Variants in ZNF469 observed in about 807,000 individuals in gnomAD.
ZNF469 encodes the protein zinc finger protein 469.
Under a neutral mutation model 1.0 loss-of-function variants are expected in ZNF469, and 1 was observed. The observed-to-expected ratio is 1.00, with a 90% CI of 0.35 to 4.73. The LOEUF (loss-of-function observed/expected upper bound fraction) is 4.73, where lower values mean the gene tolerates loss of function less well. Ranked by LOEUF, ZNF469 falls within the 30% of genes most tolerant of loss-of-function variation. ZNF469 has a pLI of 0.16. For synonymous variants in ZNF469, 2,703 were observed against 2,363.4 expected (o/e 1.14, Z -4.17); for missense variants, 6,100 against 5,356.3 (o/e 1.14, Z -4.33).
chr16:88,264,145 G>T, the ZNF469 span, among the ~76,000 whole-genome samples: 7 of 152,096 alleles, frequency 4.6e-5, no homozygotes, highest in Non-Finnish European at 7.4e-5. Flanking sequence ...CATGTGGCAG[G>T]CCTCAGGGAC....
chr16:88,430,386 C>T lies in ZNF469; in HGVS notation c.2916C>T (p.Gly972=). The T allele has an allele frequency of 2.0e-6, 3 of 1,515,760 alleles. No homozygotes were observed. The highest frequency in any genetic ancestry group is 2.5e-5 in the East Asian group (1 of 40,336). 93.9% of individuals were successfully genotyped at this position (1,515,760 alleles called of 1,614,324 possible). The part of the protein sequence containing the change: ...GAAEGSGSGG[G]GRASGLRPRR... Reference sequence around the variant, plus strand: ...CAGAGGGGTCGGGGTCGGGCGGCGGCGGCAGAGCCTCCGGCCTGAGGCCCC... The same window carrying T: ...CAGAGGGGTCGGGGTCGGGCGGCGGTGGCAGAGCCTCCGGCCTGAGGCCCC... Residue 972 remains glycine, a synonymous_variant, in exon 3 of 3, where the codon GGC becomes GGT. Transcript: ENST00000565624.
chr16:88,119,445 C>A, the ZNF469 span, among the ~76,000 whole-genome samples: 1 of 152,254 alleles, frequency 6.6e-6, no homozygotes, highest in African/African-American at 2.4e-5. Flanking sequence ...CCTTGCACGG[C>A]TGGGAGCAAC....
At chr16:88,307,957 T>A in the ZNF469 span, among the ~76,000 whole-genome samples, 1 of 152,244 alleles carries the variant, frequency 6.6e-6, no homozygotes, top group Non-Finnish European at 1.5e-5. Context: ...TCTAAGAGTG[T>A]TATGGTTTCG....
the ZNF469 span, among the ~76,000 whole-genome samples, chr16:88,211,372 C>T: frequency 6.6e-6 from 1 of 152,234 alleles, no homozygotes; most frequent in Non-Finnish European, 1.5e-5. Flanking sequence ...CCTGGAAGGC[C>T]AGTGTCTTCA....
the ZNF469 span, among the ~76,000 whole-genome samples, chr16:88,239,699 ATATATATATATATATATTTTT>A: frequency 1.6e-3 from 19 of 12,224 alleles, 1 homozygote; most frequent in Non-Finnish European, 2.5e-3. Flanking sequence ...ATATATATAT[ATATATATATATATATATTTTT>A]TTTTTTTTTT....
At chr16:88,288,709 C>T in the ZNF469 span, among the ~76,000 whole-genome samples, 1 of 152,188 alleles carries the variant, frequency 6.6e-6, no homozygotes, top group African/African-American at 2.4e-5. Context: ...AGATTGAGAC[C>T]TGCTTGTCCA....
Position 88,432,617 on chromosome 16 carries a change from C to G in ZNF469, c.5147C>G (p.Pro1716Arg). Reference sequence around the variant, plus strand: ...TGCCAGGCAGAAGGAGACAGCAGGCCCCCCCAAGATGTCTGCCTGCCTGAG... The same window carrying G: ...TGCCAGGCAGAAGGAGACAGCAGGCGCCCCCAAGATGTCTGCCTGCCTGAG... The part of the protein sequence containing the change: ...GLCQAEGDSR[P>R]PQDVCLPEPS... Residue 1716 changes from proline to arginine, a missense_variant, in exon 3 of 3, where the codon CCC becomes CGC. By Grantham distance (103) the Pro-to-Arg change is moderately radical (BLOSUM62 -2). Coordinates refer to ENST00000565624, the MANE Select transcript of ZNF469 (RefSeq NM_001367624.2). 1 of 1,550,386 alleles carries G rather than the reference C, an allele frequency of 6.5e-7. No homozygotes were observed. The highest frequency in any genetic ancestry group is 1.2e-5 in the South Asian group (1 of 84,064).
At chr16:88,216,203 A>T in the ZNF469 span, among the ~76,000 whole-genome samples, 1 of 152,254 alleles carries the variant, frequency 6.6e-6, no homozygotes, top group South Asian at 2.1e-4. Flanking sequence ...CACTTAAAAG[A>T]TATTATTTCA....
chr16:88,279,831 C>T, the ZNF469 span, among the ~76,000 whole-genome samples: 159 of 141,494 alleles, frequency 1.1e-3, 4 homozygotes, highest in African/African-American at 4.1e-3. Context: ...TATCAGTGCA[C>T]GGTTAGTGCT....
chr16:88,181,593 G>GA, the ZNF469 span, among the ~76,000 whole-genome samples: 1 of 151,986 alleles, frequency 6.6e-6, no homozygotes, highest in Admixed American at 6.5e-5. Flanking sequence ...AGAGAAATTA[G>GA]AAAAAAAATT....
At chr16:88,243,209 C>A in the ZNF469 span, among the ~76,000 whole-genome samples, 1 of 152,158 alleles carries the variant, frequency 6.6e-6, no homozygotes, top group Non-Finnish European at 1.5e-5. Flanking sequence ...AGAATGGCAC[C>A]CACCTGAGAT....
chr16:88,428,488 G>C lies in ZNF469; in HGVS notation c.1018G>C (p.Gly340Arg). 3 of 1,549,558 alleles carry C rather than the reference G, an allele frequency of 1.9e-6. No homozygotes were observed. The highest frequency in any genetic ancestry group is 1.7e-6 in the Non-Finnish European group (2 of 1,146,806). ...PAPSPLPCYQGQPGGLNRHSD... is the reference protein window; with the variant it reads ...PAPSPLPCYQRQPGGLNRHSD... Reference sequence around the variant, plus strand: ...GCCCTCACCCCTGCCCTGCTACCAGGGCCAGCCAGGTGGCCTGAACCGCCA... The same window carrying C: ...GCCCTCACCCCTGCCCTGCTACCAGCGCCAGCCAGGTGGCCTGAACCGCCA... Residue 340 changes from glycine to arginine, a missense_variant, in exon 3 of 3, where the codon GGC becomes CGC. Coordinates refer to ENST00000565624, the MANE Select transcript of ZNF469 (RefSeq NM_001367624.2).
chr16:88,282,870 T>C, the ZNF469 span, among the ~76,000 whole-genome samples: 5 of 152,224 alleles, frequency 3.3e-5, no homozygotes. Context: ...CTGATTAAGG[T>C]CCACACAGGG....
At position 88,437,297 on chromosome 16, in the gene ZNF469, GCAGCACCCC is replaced by G. The variant is rs1393539298; in HGVS notation, c.9833_9841del (p.Thr3278_Ser3280del). ...GGCGAGAGGGCGAAACCCCGGGCAC[GCAGCACCCC>G]CAGCAACCCAGACGGGGCCGCGACC... On this transcript the variant is annotated inframe_deletion, in exon 3 of 3. Coordinates refer to ENST00000565624, the MANE Select transcript of ZNF469 (RefSeq NM_001367624.2). 1.9e-6 allele frequency: 3 copies of G among 1,547,404 alleles called. No individual in the cohort carries two copies. The highest frequency in any genetic ancestry group is 1.2e-5 in the South Asian group (1 of 83,932).
At chr16:88,392,484 G>T (rs1285801965) in intron 1 of ZNF469, among the ~76,000 whole-genome samples, 2 of 152,212 alleles carry the variant, frequency 1.3e-5, no homozygotes, top group East Asian at 1.9e-4. Context: ...CTGAGAGTTC[G>T]TTCCTTAAAA....
chr16:88,196,805 G>A, the ZNF469 span, among the ~76,000 whole-genome samples: 8 of 152,274 alleles, frequency 5.3e-5, no homozygotes, highest in African/African-American at 1.7e-4. Flanking sequence ...AGCAGGAGCC[G>A]GAGACTGAGC....
the ZNF469 span, among the ~76,000 whole-genome samples, chr16:88,343,671 G>A: frequency 4.6e-5 from 7 of 152,100 alleles, no homozygotes; most frequent in African/African-American, 1.7e-4. Flanking sequence ...AGGGGGCTGA[G>A]CCTGGTGGCT....
the ZNF469 span, among the ~76,000 whole-genome samples, chr16:88,122,379 G>A: frequency 2.4e-3 from 361 of 150,560 alleles, no homozygotes; most frequent in African/African-American, 8.4e-3. Context: ...GGCCACAGCA[G>A]TCACTCAGAT....
At chr16:88,283,933 G>A in the ZNF469 span, among the ~76,000 whole-genome samples, 30 of 125,820 alleles carry the variant, frequency 2.4e-4, 1 homozygote, top group Admixed American at 3.3e-4. Flanking sequence ...CGAGGTCTGC[G>A]GAGGCTGGTA....
Sources: allele counts gnomAD v4.1 joint callset (sites outside exome capture counted in the v4.1 genomes callset), GRCh38; gene constraint gnomAD v4.1.1; transcripts MANE v1.5; gene names NCBI Gene and HGNC (gene_info 2026-07-23, HGNC 2026-07-21).